The following MIER2 variants were observed in gnomAD, a reference collection of about 807,000 sequenced individuals.
MIER2 encodes mesoderm induction early response protein 2.
A neutral mutation model predicts 67.6 loss-of-function variants in MIER2; 30 were observed. The ratio of observed to expected loss-of-function variants is 0.44; its 90% CI spans 0.33 to 0.60. The LOEUF (loss-of-function observed/expected upper bound fraction) is 0.60. Ranked by LOEUF, MIER2 falls within the 20% of genes least tolerant of loss-of-function variation. The pLI, the probability that MIER2 is intolerant of heterozygous loss-of-function variation, is 0.02. For synonymous variants in MIER2, 372 were observed against 312.6 expected (o/e 1.19, Z -2.00); for missense variants, 702 against 745.1 (o/e 0.94, Z 0.67).
intron 10 of MIER2, among the ~76,000 whole-genome samples, chr19:309,483 C>G (rs993674169): frequency 6.6e-6 from 1 of 152,126 alleles, no homozygotes. Context: ...CGCAGAAGGA[C>G]ACATGGGTTC....
chr19:307,329 C>A lies in MIER2; in HGVS notation c.1406G>T (p.Arg469Met). 6.2e-7 allele frequency: 1 copy of A among 1,603,154 alleles called. No individual in the cohort carries two copies. Among genetic ancestry groups the A allele is most frequent in the African/African-American group, 1.3e-5 (1 of 74,978 alleles). Residue 469 changes from arginine (R) to methionine (M), a missense_variant, in exon 13 of 14, where the codon AGG becomes ATG. By Grantham distance (91) the Arg-to-Met change is moderately conservative. Coordinates refer to ENST00000264819, the MANE Select transcript of MIER2 (RefSeq NM_017550.3). ...GGGCAGGGCGAAGTCCACGGCCAGCCTTGGGCTGGCGTCTGGCTCCGGAGC... is the reference window on the plus strand; with the variant it reads ...GGGCAGGGCGAAGTCCACGGCCAGCATTGGGCTGGCGTCTGGCTCCGGAGC... ...VTAPEPDASP[R>M]LAVDFALPKE...
chr19:323,216 CGCAG>C (rs1971572280), intron 7 of MIER2, among the ~76,000 whole-genome samples: 2 of 133,832 alleles, frequency 1.5e-5, no homozygotes, highest in Non-Finnish European at 3.3e-5. Context: ...CACACAACCA[CGCAG>C]ACAACTCGAA....
rs200868708 is a variant in MIER2 at position 311,989 on chromosome 19, C to A, written c.890-50G>T. ...GTCAGTGGTGCCCAGGGCGGGGCCG[C>A]AGCGGAAGGAAGGCCCAGGCCGGGG... On this transcript the variant is annotated intron_variant, in intron 9 of 13. Coordinates refer to ENST00000264819, the MANE Select transcript of MIER2 (RefSeq NM_017550.3). The A allele has an allele frequency of 2.7e-3, 3,748 of 1,397,692 alleles. 12 individuals carry two copies. Among genetic ancestry groups the A allele is most frequent in the Middle Eastern group, 5.4e-3 (28 of 5,222 alleles). The allele number at this position is 1,397,692 out of a possible 1,614,324, so 86.6% of individuals were successfully genotyped here. A position where few individuals can be genotyped will look rare whatever the true frequency, so the allele number is the denominator to read the frequency against.
At chr19:307,797 T>C (rs1488557538) in intron 12 of MIER2, among the ~76,000 whole-genome samples, 2 of 152,032 alleles carry the variant, frequency 1.3e-5, no homozygotes, top group African/African-American at 2.4e-5. Flanking sequence ...ACAATAGACA[T>C]AGGTGTAAAC....
At chr19:339,947 T>A (rs943530453) in intron 1 of MIER2, among the ~76,000 whole-genome samples, 4 of 152,100 alleles carry the variant, frequency 2.6e-5, no homozygotes, top group African/African-American at 9.7e-5. Context: ...ACTGGACACA[T>A]TAAAACGGTG....
Position 308,702 on chromosome 19 carries a change from G to T in MIER2, c.1110-37C>A. 6.3e-7 allele frequency: 1 copy of T among 1,596,346 alleles called. No individual in the cohort carries two copies. Among genetic ancestry groups the T allele is most frequent in the South Asian group, 1.1e-5 (1 of 89,832 alleles). On this transcript the variant is annotated intron_variant, in intron 11 of 13. Coordinates refer to ENST00000264819, the MANE Select transcript of MIER2 (RefSeq NM_017550.3). The surrounding 1 kb of genome is among the most constrained non-coding windows in gnomAD (Gnocchi z 9.1). Reference sequence around the variant, plus strand: ...GGGCGCCATGAGGGGCGGCAGACAGGACAGACGCCCCCACCCAAGAGGTGC... The same window carrying T: ...GGGCGCCATGAGGGGCGGCAGACAGTACAGACGCCCCCACCCAAGAGGTGC...
At position 307,445 on chromosome 19, in the gene MIER2, G is replaced by A. The variant is rs1386369006; in HGVS notation, c.1290C>T (p.Ser430=). The change falls in exon 13 of 14, where the codon TCC becomes TCT. Residue 430 remains serine, a synonymous_variant. Transcript: ENST00000264819. ...GLPSSEPGPC[S]FQQLDESPAV... ...CGGGGGACTCATCCAGCTGCTGGAA[G>A]GAACACGGCCCTGGCTCCGAGGACG... is the stretch of plus-strand genomic sequence containing the variant. The A allele has an allele frequency of 3.2e-6, 5 of 1,586,654 alleles. No individual in the cohort carries two copies. The highest frequency in any genetic ancestry group is 3.4e-6 in the Non-Finnish European group (4 of 1,166,986).
chr19:334,249 G>C, intron 3 of MIER2, 151 bp downstream of exon 3: 2 of 1,144,572 alleles, frequency 1.7e-6, no homozygotes, highest in Non-Finnish European at 2.5e-6. Context: ...GGTCTCCACT[G>C]AATTTCAGCT....
chr19:307,084 T>C, intron 13 of MIER2, 35 bp downstream of exon 13: 4 of 1,540,564 alleles, frequency 2.6e-6, no homozygotes, highest in Non-Finnish European at 3.5e-6. Flanking sequence ...CTGGTTGGAG[T>C]GTTGCGGAGG....
At chr19:341,870 GCT>G (rs374440242) in intron 1 of MIER2, among the ~76,000 whole-genome samples, 155 of 152,278 alleles carry the variant, frequency 1.0e-3, no homozygotes, top group African/African-American at 3.6e-3. Flanking sequence ...GCGGCAGCCA[GCT>G]ACTCAACATA....
At chr19:327,401 T>G in intron 4 of MIER2, 145 bp from the exon 5 acceptor site, 1 of 1,105,940 alleles carries the variant, frequency 9.0e-7, no homozygotes, top group Non-Finnish European at 1.3e-6. Flanking sequence ...GTGCACAGCG[T>G]GGGGGGAGCG....
chr19:322,841 C>G (rs74663844), intron 7 of MIER2, among the ~76,000 whole-genome samples: 156 of 152,318 alleles, frequency 1.0e-3, no homozygotes, highest in South Asian at 8.5e-3. Context: ...CAGCCCACAG[C>G]TGAACCAACC....
intron 10 of MIER2, among the ~76,000 whole-genome samples, chr19:311,558 G>T (rs758317135): frequency 6.6e-6 from 1 of 152,182 alleles, no homozygotes. Flanking sequence ...TTGAAGATGA[G>T]GTGCCCAGGG....
chr19:325,237 C>T lies in MIER2; in HGVS notation c.655+398G>A, dbSNP rs539758355. On this transcript the variant is annotated intron_variant, in intron 7 of 13. Coordinates refer to ENST00000264819, the MANE Select transcript of MIER2 (RefSeq NM_017550.3). ...GGAAAGGGAGCACCCTGAAGAGGAGCGGAGCAAGGCCGGGGGTGCAGCGCA... is the reference window on the plus strand; with the variant it reads ...GGAAAGGGAGCACCCTGAAGAGGAGTGGAGCAAGGCCGGGGGTGCAGCGCA... 1.6e-4 allele frequency among the ~76,000 whole-genome samples: 25 copies of T among 152,342 alleles called. 1 individual carries two copies. In the South Asian group the frequency reaches 2.5e-3, roughly 15 times the overall value.
intron 3 of MIER2, among the ~76,000 whole-genome samples, chr19:329,663 C>T (rs1218149623): frequency 2.6e-5 from 4 of 151,968 alleles, no homozygotes; most frequent in African/African-American, 9.7e-5. Flanking sequence ...CTGAGGCAGG[C>T]GGATCACGAG....
At chr19:338,954 C>G (rs576969515) in intron 1 of MIER2, among the ~76,000 whole-genome samples, 2 of 151,736 alleles carry the variant, frequency 1.3e-5, no homozygotes, top group South Asian at 2.1e-4. Flanking sequence ...CACAACTTTT[C>G]GGAGAAAATA....
rs767690666 is a variant in MIER2, at chr19:327,874, G to T, written c.359C>A (p.Thr120Asn). 1.2e-6 allele frequency: 2 copies of T among 1,612,246 alleles called. No homozygotes were observed. Among genetic ancestry groups the T allele is most frequent in the Admixed American group, 3.3e-5 (2 of 59,740 alleles). Residue 120 changes from threonine (T) to asparagine (N), a missense_variant, in exon 4 of 14, where the codon ACC becomes AAC. By Grantham distance (65) the Thr-to-Asn change is moderately conservative. Transcript: ENST00000264819. Reference protein sequence around the residue: ...GDVAPNLPDMTLDKEQIAKDL... With the variant: ...GDVAPNLPDMNLDKEQIAKDL... ...AGGGCCCTCACTTACTTTGTCCAGG[G>T]TCATGTCTGGGAGGTTCGGGGCCAC...
chr19:340,095 G>A (rs972460786), intron 1 of MIER2, among the ~76,000 whole-genome samples: 1 of 152,166 alleles, frequency 6.6e-6, no homozygotes, highest in Non-Finnish European at 1.5e-5. Flanking sequence ...AACCTCACAG[G>A]TGGTATAATC....
At chr19:307,658 A>G in intron 12 of MIER2, 122 bp from the exon 13 acceptor site, 1 of 1,082,672 alleles carries the variant, frequency 9.2e-7, no homozygotes, top group South Asian at 2.2e-5. Flanking sequence ...AAGCCTCCAC[A>G]CAAATACAAA....
Sources: gnomAD v4.1 joint callset for allele counts (sites outside exome capture counted in the v4.1 genomes callset) on GRCh38, gnomAD v4.1.1 for gene constraint, Gnocchi (gnomAD v3.1) non-coding constraint, MANE v1.5 for transcripts, NCBI Gene and HGNC (gene_info 2026-07-23, HGNC 2026-07-21) for gene names.